FAM234A: variants seen among roughly 807,000 people sequenced by gnomAD.
FAM234A encodes the protein protein FAM234A.
FAM234A carries 42 observed loss-of-function variants against 49.1 expected under a neutral mutation model. The ratio of observed to expected loss-of-function variants is 0.86; its 90% CI spans 0.67 to 1.11. The LOEUF is 1.11. Ranked by LOEUF, FAM234A falls within the 50% of genes least tolerant of loss-of-function variation. The pLI, the probability that FAM234A is intolerant of heterozygous loss-of-function variation, is 0.00. For missense variants in FAM234A, 815 were observed against 745.2 expected (o/e 1.09, Z -1.09); for synonymous variants, 369 against 316.2 (o/e 1.17, Z -1.77).
chr16:261,119 A>C, intron 5 of FAM234A: 3 of 379,176 alleles, frequency 7.9e-6, no homozygotes, highest in East Asian at 1.0e-4. Context: ...GTTCCCAGGA[A>C]TGAGGCTGTC....
Position 264,065 on chromosome 16 carries a change from TC to T in FAM234A, c.1241del (p.Pro414ArgfsTer84). ...GTGAVLCSLALPSLPGGPLSA... is the reference protein window; with the variant it reads ...GTGAVLCSLAXPSLPGGPLSA... Reference sequence around the variant, plus strand: ...GGAGCCGTCCTGTGTAGCCTAGCCCTCCCGAGCCTCCCTGGGGGTCCACTGT... The same window carrying T: ...GGAGCCGTCCTGTGTAGCCTAGCCCTCCGAGCCTCCCTGGGGGTCCACTGT... On this transcript the variant is annotated frameshift_variant, in exon 11 of 13. Coordinates refer to ENST00000399932, the MANE Select transcript of FAM234A (RefSeq NM_032039.4). LOFTEE classifies it high-confidence loss of function. 6.2e-7 allele frequency: 1 copy of T among 1,612,888 alleles called. No homozygotes were observed. The highest frequency in any genetic ancestry group is 8.5e-7 in the Non-Finnish European group (1 of 1,179,956).
Position 265,045 on chromosome 16 carries a change from GGA to G in FAM234A, c.*28_*29del. ...TAGAGGCACGCCAGCCAGAGCCTGT[GGA>G]GAGACTCCGCCTGCTGACACTAAAC... On this transcript the variant is annotated 3_prime_UTR_variant, in exon 13 of 13. Transcript: ENST00000399932. 1.9e-6 allele frequency: 3 copies of G among 1,578,462 alleles called. No homozygotes were observed. The highest frequency in any genetic ancestry group is 2.6e-6 in the Non-Finnish European group (3 of 1,159,224).
chr16:263,427 G>T, intron 9 of FAM234A, 25 bp downstream of exon 9: 1 of 1,602,956 alleles, frequency 6.2e-7, no homozygotes, highest in South Asian at 1.1e-5. Context: ...CAAGGACCGC[G>T]CAGGTGCTGC....
chr16:241,165 C>A (rs2050598706), intron 1 of FAM234A, among the ~76,000 whole-genome samples: 1 of 152,012 alleles, frequency 6.6e-6, no homozygotes, highest in South Asian at 2.1e-4. Flanking sequence ...GAGTGATCTT[C>A]CTGCCTCCTG....
intron 11 of FAM234A, 92 bp from the exon 12 acceptor site, chr16:264,522 A>G: frequency 1.1e-6 from 1 of 895,048 alleles, no homozygotes; most frequent in Non-Finnish European, 1.8e-6. Flanking sequence ...CCCCTAGCAG[A>G]CATAGAGCTC....
chr16:269,543 G>A (rs1209155153), downstream of FAM234A: 2 of 1,613,422 alleles, frequency 1.2e-6, no homozygotes, highest in African/African-American at 1.3e-5. Flanking sequence ...TCTGCCAGGA[G>A]GGCCTTGTAC....
At chr16:266,809 TGA>T (rs1053288916), downstream of FAM234A, among the ~76,000 whole-genome samples, 20 of 150,140 alleles carry the variant, frequency 1.3e-4, no homozygotes, top group African/African-American at 5.0e-4. Context: ...GTCCTATAAG[TGA>T]GAACCGCCAG....
In FAM234A at chr16:261,504, A is replaced by T; in HGVS notation, c.698A>T (p.Glu233Val). ...CCAGACCTGCTGGTTCTCACCCAGG[A>T]GCGGGAGGAGGTACATCCCAGCCTG... ...GAPDLLVLTQ[E>V]REEVSGHLYS... The change falls in exon 6 of 13, where the codon GAG becomes GTG. Residue 233 changes from glutamate to valine, a missense_variant. Transcript: ENST00000399932. The T allele has an allele frequency of 6.2e-7, 1 of 1,604,700 alleles. No homozygotes were observed. The highest frequency in any genetic ancestry group is 1.3e-5 in the African/African-American group (1 of 74,882).
At chr16:269,361 GCCTCCAC>G (rs1567233536), downstream of FAM234A, 19 of 1,603,624 alleles carry the variant, frequency 1.2e-5, 1 homozygote, top group Middle Eastern at 3.4e-4. Flanking sequence ...GAGTGCCGTG[GCCTCCAC>G]GTAAACGGGA....
At chr16:243,812 T>TA (rs1482223495) in intron 1 of FAM234A, among the ~76,000 whole-genome samples, 3 of 152,200 alleles carry the variant, frequency 2.0e-5, no homozygotes, top group Non-Finnish European at 4.4e-5. Flanking sequence ...TGTATAGCAG[T>TA]AAGAGTTCCC....
At chr16:263,534 C>A in intron 9 of FAM234A, 132 bp downstream of exon 9, 1 of 1,374,324 alleles carries the variant, frequency 7.3e-7, no homozygotes, top group South Asian at 1.3e-5. Flanking sequence ...GGGCTTCTTG[C>A]CTGTCTCTGG....
chr16:238,308 C>A (rs1002549480), intron 1 of FAM234A, among the ~76,000 whole-genome samples: 3 of 152,080 alleles, frequency 2.0e-5, no homozygotes. Context: ...CATGAACCAC[C>A]GCCCCCGCCC....
At chr16:241,236 A>G (rs1177718847) in intron 1 of FAM234A, among the ~76,000 whole-genome samples, 1 of 150,558 alleles carries the variant, frequency 6.6e-6, no homozygotes, top group Non-Finnish European at 1.5e-5. Context: ...GCCTTAAAAC[A>G]CTTATCTTGA....
intron 9 of FAM234A, 112 bp downstream of exon 9, chr16:263,514 G>A (rs1208153104): frequency 1.4e-6 from 2 of 1,455,266 alleles, no homozygotes; most frequent in African/African-American, 1.4e-5. Context: ...GAGGCCGTGT[G>A]CTGCTGCCCG....
At chr16:263,504 G>A in intron 9 of FAM234A, 102 bp downstream of exon 9, 4 of 1,496,600 alleles carry the variant, frequency 2.7e-6, no homozygotes, top group Non-Finnish European at 3.6e-6. Context: ...GGTGGGGCCG[G>A]AGGCCGTGTG....
chr16:245,316 G>T (rs1456942354), intron 1 of FAM234A, among the ~76,000 whole-genome samples: 1 of 152,150 alleles, frequency 6.6e-6, no homozygotes, highest in Non-Finnish European at 1.5e-5. Context: ...CTGCCCTCCA[G>T]CCTGGGCCAC....
intron 2 of FAM234A, among the ~76,000 whole-genome samples, chr16:252,380 A>G (rs1001271873): frequency 6.6e-5 from 10 of 151,614 alleles, no homozygotes; most frequent in Non-Finnish European, 2.9e-5. Flanking sequence ...TGCGGTTTTC[A>G]CCATGTTGTC....
intron 3 of FAM234A, among the ~76,000 whole-genome samples, chr16:256,778 T>G (rs2051250852): frequency 6.6e-6 from 1 of 150,892 alleles, no homozygotes; most frequent in Non-Finnish European, 1.5e-5. Flanking sequence ...GTTTCGCTCT[T>G]GTTTCCCAGG....
At chr16:235,557 T>G (rs2050370466) in intron 1 of FAM234A, among the ~76,000 whole-genome samples, 1 of 152,186 alleles carries the variant, frequency 6.6e-6, no homozygotes, top group African/African-American at 2.4e-5. Context: ...GTAGGCAATT[T>G]CACTTACTCT....
Sources: gnomAD v4.1 joint callset for allele counts (sites outside exome capture counted in the v4.1 genomes callset) on GRCh38, gnomAD v4.1.1 for gene constraint, MANE v1.5 for transcripts, NCBI Gene and HGNC (gene_info 2026-07-23, HGNC 2026-07-21) for gene names.